The following ZNF521 variants were observed in gnomAD, a reference collection of about 807,000 sequenced individuals.
The protein encoded by ZNF521 is LYST-interacting protein 3.
In ZNF521, 14 loss-of-function variants were observed where a neutral mutation model predicts 105.5. The observed-to-expected ratio is 0.13, with a 90% CI of 0.09 to 0.21. The LOEUF (loss-of-function observed/expected upper bound fraction) is 0.21, where lower values mean the gene tolerates loss of function less well. ZNF521 is among the 10% of genes least tolerant of loss of function. The pLI, the probability that ZNF521 is intolerant of heterozygous loss-of-function variation, is 1.00. For missense variants in ZNF521, 1,233 were observed against 1,629.7 expected (o/e 0.76, Z 4.19); for synonymous variants, 635 against 606.0 (o/e 1.05, Z -0.70).
intron 4 of ZNF521, among the ~76,000 whole-genome samples, chr18:25,222,611 T>C (rs1312089888): frequency 6.6e-6 from 1 of 152,206 alleles, no homozygotes; most frequent in African/African-American, 2.4e-5. Flanking sequence ...TTACACACTT[T>C]GTAAATTAAA....
intron 5 of ZNF521, among the ~76,000 whole-genome samples, chr18:25,104,631 T>A (rs2034034869): frequency 1.3e-5 from 2 of 152,178 alleles, no homozygotes; most frequent in Non-Finnish European, 2.9e-5. Context: ...AAGATTAGCA[T>A]GAGGATTTTT....
In ZNF521 at chr18:25,080,945, C is replaced by A. The variant is rs186706180; in HGVS notation, c.3906+8520G>T. ...GGATTTCTGGATTTCTCCAAAGGAT[C>A]CGACTACAAAGGCGCTGAGACAGAG... On this transcript the variant is annotated intron_variant, in intron 7 of 7. Transcript: ENST00000361524. 1.1e-3 allele frequency among the ~76,000 whole-genome samples: 163 copies of A among 152,340 alleles called. 1 individual carries two copies. The highest frequency in any genetic ancestry group is 3.8e-3 in the African/African-American group (156 of 41,572).
In ZNF521 at chr18:25,224,519, C is replaced by G; in HGVS notation, c.3399G>C (p.Val1133=). Reference sequence around the variant, plus strand: ...TAGAGCAGCGTGTCTTCAGTCCCCCCACCTTGCCTTTCCCCTCAATGGCAC... The same window carrying G: ...TAGAGCAGCGTGTCTTCAGTCCCCCGACCTTGCCTTTCCCCTCAATGGCAC... ...NLSAIEGKGK[V]GGLKTRCSSC... is the part of the protein sequence containing the mutation. Residue 1133 remains valine (V), a synonymous_variant, in exon 4 of 8, where the codon GTG becomes GTC. Coordinates refer to ENST00000361524, the MANE Select transcript of ZNF521 (RefSeq NM_015461.3). 6.2e-7 allele frequency: 1 copy of G among 1,614,064 alleles called. No homozygotes were observed. The highest frequency in any genetic ancestry group is 1.1e-5 in the South Asian group (1 of 91,070).
rs1299471619 is a variant in ZNF521 at position 25,062,585 on chromosome 18, C to A, written c.*127G>T. Reference sequence around the variant, plus strand: ...ATGAACATCCAACAGTTTGATAATACAAGTTTTATGGTACAATACAATGTT... The same window carrying A: ...ATGAACATCCAACAGTTTGATAATAAAAGTTTTATGGTACAATACAATGTT... On this transcript the variant is annotated 3_prime_UTR_variant, in exon 8 of 8. Coordinates refer to ENST00000361524, the MANE Select transcript of ZNF521 (RefSeq NM_015461.3). 2 of 1,285,226 alleles carry A rather than the reference C, an allele frequency of 1.6e-6. No homozygotes were observed. The highest frequency in any genetic ancestry group is 2.2e-6 in the Non-Finnish European group (2 of 918,118). 79.6% of individuals were successfully genotyped at this position (1,285,226 alleles called of 1,614,324 possible).
chr18:25,250,993 C>T (rs956132728), intron 3 of ZNF521, among the ~76,000 whole-genome samples: 7 of 152,246 alleles, frequency 4.6e-5, no homozygotes, highest in South Asian at 2.1e-4. Flanking sequence ...ATCATGTAAA[C>T]GAAACACTCA....
intron 2 of ZNF521, among the ~76,000 whole-genome samples, chr18:25,349,253 C>G (rs1383340612): frequency 6.6e-6 from 1 of 152,168 alleles, no homozygotes; most frequent in Non-Finnish European, 1.5e-5. Flanking sequence ...GGGTCTCGGG[C>G]AAGTCTCGCC....
chr18:25,300,585 TTAAA>T (rs33954759), intron 3 of ZNF521, among the ~76,000 whole-genome samples: 13,094 of 152,068 alleles, frequency 0.086, 1,289 homozygotes, highest in African/African-American at 0.24. Flanking sequence ...CAAAGCAAAC[TTAAA>T]TAAAAAAGTC....
At chr18:25,103,470 A>G (rs4129315) in intron 5 of ZNF521, among the ~76,000 whole-genome samples, 13,637 of 152,180 alleles carry the variant, frequency 0.09, 712 homozygotes, top group African/African-American at 0.15. Flanking sequence ...TGAGTGTTTG[A>G]GAAGAAACCG....
chr18:25,162,113 A>G (rs1219450208), intron 5 of ZNF521, among the ~76,000 whole-genome samples: 24 of 152,056 alleles, frequency 1.6e-4, no homozygotes, highest in Admixed American at 1.6e-3. Context: ...GCCTGAACCT[A>G]TTTTCCTTCC....
chr18:25,092,127 T>A, intron 5 of ZNF521, 46 bp from the exon 6 acceptor site: 2 of 1,609,864 alleles, frequency 1.2e-6, no homozygotes, highest in Non-Finnish European at 1.7e-6. Flanking sequence ...ACCTGTCATA[T>A]CTTTAATACA....
At chr18:25,238,864 T>C (rs1907109800) in intron 3 of ZNF521, among the ~76,000 whole-genome samples, 1 of 152,164 alleles carries the variant, frequency 6.6e-6, no homozygotes, top group African/African-American at 2.4e-5. Flanking sequence ...ACTGAACTTC[T>C]GAGGATGGGG....
At chr18:25,165,793 T>A (rs2035329483) in intron 5 of ZNF521, among the ~76,000 whole-genome samples, 1 of 152,234 alleles carries the variant, frequency 6.6e-6, no homozygotes, top group African/African-American at 2.4e-5. Flanking sequence ...TCCATATGGT[T>A]AATGAGCAAA....
chr18:25,172,532 G>A (rs1211540588), intron 5 of ZNF521, among the ~76,000 whole-genome samples: 1 of 152,080 alleles, frequency 6.6e-6, no homozygotes, highest in Non-Finnish European at 1.5e-5. Context: ...ATCCCACTTA[G>A]CTTTTCTTTC....
intron 5 of ZNF521, among the ~76,000 whole-genome samples, chr18:25,118,732 C>A (rs576578669): frequency 1.3e-5 from 2 of 151,898 alleles, no homozygotes; most frequent in Non-Finnish European, 2.9e-5. Context: ...AGAAATGACT[C>A]AAAAAAATGA....
Position 25,215,354 on chromosome 18 carries a change from T to A in ZNF521, c.3573+8991A>T, listed in dbSNP as rs114992969. Among the ~76,000 whole-genome samples the A allele has an allele frequency of 5.7e-3, 868 of 152,300 alleles. 8 individuals carry two copies. The highest frequency in any genetic ancestry group is 0.019 in the African/African-American group (808 of 41,576). ...TTCTAGAAATACAAAGTACATGTAC[T>A]AGAAAACTACATCTACATCATGTGG... On this transcript the variant is annotated intron_variant, in intron 4 of 7. Coordinates refer to ENST00000361524, the MANE Select transcript of ZNF521 (RefSeq NM_015461.3).
chr18:25,223,729 G>A (rs1905893562), intron 4 of ZNF521, among the ~76,000 whole-genome samples: 2 of 151,724 alleles, frequency 1.3e-5, no homozygotes, highest in Admixed American at 1.3e-4. Flanking sequence ...GAAACCCAGA[G>A]AGTAGGCCTC....
intron 3 of ZNF521, among the ~76,000 whole-genome samples, chr18:25,253,009 A>G (rs1332459833): frequency 6.6e-6 from 1 of 152,180 alleles, no homozygotes; most frequent in East Asian, 1.9e-4. Context: ...AGTAGTTACT[A>G]CCATTCAACT....
intron 5 of ZNF521, among the ~76,000 whole-genome samples, chr18:25,179,559 T>C (rs1374051401): frequency 6.6e-6 from 1 of 152,074 alleles, no homozygotes; most frequent in East Asian, 1.9e-4. Context: ...GAATTTTGAG[T>C]GTACAAGTTT....
intron 7 of ZNF521, among the ~76,000 whole-genome samples, chr18:25,087,425 C>T (rs1229854366): frequency 3.3e-5 from 5 of 152,172 alleles, no homozygotes. Flanking sequence ...TTGATGGTAC[C>T]ACCAGGTAAG....
Sources: gnomAD v4.1 joint callset for allele counts (sites outside exome capture counted in the v4.1 genomes callset) on GRCh38, gnomAD v4.1.1 for gene constraint, MANE v1.5 for transcripts, NCBI Gene and HGNC (gene_info 2026-07-23, HGNC 2026-07-21) for gene names.